The following CPED1 variants were observed in gnomAD, a reference collection of about 807,000 sequenced individuals.
CPED1 encodes cadherin-like and PC-esterase domain-containing protein 1.
Under a neutral mutation model 128.2 loss-of-function variants are expected in CPED1, and 114 were observed. That is an observed-to-expected ratio of 0.89 (90% CI 0.76 to 1.04). CPED1 has a LOEUF of 1.04. CPED1 is among the 50% of genes least tolerant of loss of function. The pLI is 0.00. For missense variants in CPED1, 1,211 were observed against 1,207.1 expected (o/e 1.00, Z -0.05); for synonymous variants, 462 against 426.7 (o/e 1.08, Z -1.02).
At chr7:121,169,644 G>A (rs1455858465) in intron 16 of CPED1, among the ~76,000 whole-genome samples, 1 of 152,124 alleles carries the variant, frequency 6.6e-6, no homozygotes, top group Non-Finnish European at 1.5e-5. Flanking sequence ...GTGTATCCCA[G>A]TGCCTGATGT....
chr7:121,074,509 G>GGTTTTTTTT (rs1554430601), intron 5 of CPED1, among the ~76,000 whole-genome samples: 1 of 80,838 alleles, frequency 1.2e-5, no homozygotes, highest in African/African-American at 4.5e-5. Context: ...TTTCCTTTGT[G>GGTTTTTTTT]TTTTTTTTTT....
chr7:121,142,454 TATTTTTCTTGG>T (rs973359535), intron 16 of CPED1, among the ~76,000 whole-genome samples: 2 of 152,074 alleles, frequency 1.3e-5, no homozygotes, highest in Admixed American at 1.3e-4. Flanking sequence ...TAAATTGGGC[TATTTTTCTTGG>T]ATTTGTCCCT....
chr7:121,188,215 A>C (rs1797048567), intron 16 of CPED1, among the ~76,000 whole-genome samples: 1 of 152,180 alleles, frequency 6.6e-6, no homozygotes. Flanking sequence ...GTTTAGATAA[A>C]ATACGATTGA....
intron 2 of CPED1, among the ~76,000 whole-genome samples, chr7:121,014,086 T>C (rs184263595): frequency 1.3e-5 from 2 of 152,314 alleles, no homozygotes; most frequent in East Asian, 3.9e-4. Context: ...AGAGTTGATT[T>C]GGAATTTGAT....
At chr7:121,278,883 ACT>A (rs1165703395) in intron 22 of CPED1, among the ~76,000 whole-genome samples, 2 of 152,146 alleles carry the variant, frequency 1.3e-5, no homozygotes, top group Admixed American at 1.3e-4. Context: ...AGGCAGCTAT[ACT>A]ACCCAGCCTT....
intron 5 of CPED1, 65 bp downstream of exon 5, chr7:121,064,378 A>G (rs1445844587): frequency 9.0e-7 from 1 of 1,112,054 alleles, no homozygotes; most frequent in African/African-American, 1.5e-5. Flanking sequence ...TAGCAGAAGC[A>G]GCTAACATGG....
At chr7:121,079,574 G>A (rs1305523345) in intron 5 of CPED1, among the ~76,000 whole-genome samples, 1 of 152,204 alleles carries the variant, frequency 6.6e-6, no homozygotes, top group Non-Finnish European at 1.5e-5. Context: ...TTAGCCAAAG[G>A]TGTCTCTTGC....
At chr7:121,180,431 G>A (rs1256375030) in intron 16 of CPED1, among the ~76,000 whole-genome samples, 2 of 151,864 alleles carry the variant, frequency 1.3e-5, no homozygotes, top group Admixed American at 6.6e-5. Flanking sequence ...AAAATTCTGA[G>A]GCTCTTAGTT....
At chr7:121,292,794 G>A (rs1426271704) in intron 22 of CPED1, among the ~76,000 whole-genome samples, 1 of 152,110 alleles carries the variant, frequency 6.6e-6, no homozygotes, top group Non-Finnish European at 1.5e-5. Context: ...CAAGTCTGCT[G>A]GAGTTTGCTA....
chr7:121,283,628 G>A (rs554287435), intron 22 of CPED1, among the ~76,000 whole-genome samples: 6 of 152,330 alleles, frequency 3.9e-5, no homozygotes, highest in African/African-American at 9.6e-5. Flanking sequence ...CTGTAACTCT[G>A]TGTAAGTATG....
chr7:121,178,002 G>A (rs1337914273), intron 16 of CPED1, among the ~76,000 whole-genome samples: 1 of 152,056 alleles, frequency 6.6e-6, no homozygotes, highest in African/African-American at 2.4e-5. Flanking sequence ...GAAAGAAAAA[G>A]CAATGGGGAA....
At chr7:121,067,023 T>G (rs1563012600) in intron 5 of CPED1, among the ~76,000 whole-genome samples, 1 of 151,946 alleles carries the variant, frequency 6.6e-6, no homozygotes, top group Non-Finnish European at 1.5e-5. Flanking sequence ...ATGAGGAACT[T>G]GAGCACCCAT....
chr7:121,218,659 G>A (rs1485060922), intron 16 of CPED1, among the ~76,000 whole-genome samples: 1 of 151,948 alleles, frequency 6.6e-6, no homozygotes, highest in Non-Finnish European at 1.5e-5. Flanking sequence ...TGAACAATGA[G>A]AACACATGGG....
chr7:121,013,962 C>T (rs1408021238), intron 2 of CPED1, among the ~76,000 whole-genome samples: 2 of 152,194 alleles, frequency 1.3e-5, no homozygotes, highest in African/African-American at 4.8e-5. Flanking sequence ...ATGAACAATG[C>T]AGGCCTGGCT....
At position 121,141,004 on chromosome 7, in the gene CPED1, C is replaced by G. The variant is rs1326040576; in HGVS notation, c.1877C>G (p.Ala626Gly). ...TGCAAGGTGCACCTGTACGAGCAGGCAGGGCCAAGGTATGAGATGTTGACT... is the reference window on the plus strand; with the variant it reads ...TGCAAGGTGCACCTGTACGAGCAGGGAGGGCCAAGGTATGAGATGTTGACT... Reference protein sequence around the residue: ...CLCKVHLYEQAGPSFASYPLG... With the variant: ...CLCKVHLYEQGGPSFASYPLG... Residue 626 changes from alanine (A) to glycine (G), a missense_variant, in exon 15 of 23, where the codon GCA (alanine) becomes GGA (glycine). Physicochemically the swap from Ala to Gly is moderately conservative, Grantham distance 60. Transcript: ENST00000310396. The G allele has an allele frequency of 5.6e-6, 9 of 1,609,362 alleles. No homozygotes were observed. The highest frequency in any genetic ancestry group is 7.6e-6 in the Non-Finnish European group (9 of 1,178,178).
intron 7 of CPED1, among the ~76,000 whole-genome samples, chr7:121,114,359 A>G (rs913221091): frequency 4.6e-5 from 7 of 152,196 alleles, no homozygotes; most frequent in Admixed American, 3.3e-4. Flanking sequence ...CCAAGAGCTC[A>G]ATGCCTGAGG....
At chr7:121,174,831 C>T (rs910233099) in intron 16 of CPED1, among the ~76,000 whole-genome samples, 1 of 152,060 alleles carries the variant, frequency 6.6e-6, no homozygotes, top group Admixed American at 6.6e-5. Context: ...GTCATTTTAA[C>T]AATATTTATT....
chr7:121,115,202 T>C (rs1393177710), intron 7 of CPED1, among the ~76,000 whole-genome samples: 1 of 152,246 alleles, frequency 6.6e-6, no homozygotes, highest in Non-Finnish European at 1.5e-5. Flanking sequence ...TCTAGCATTA[T>C]ATTTGACCAG....
intron 7 of CPED1, among the ~76,000 whole-genome samples, chr7:121,112,036 C>T (rs1795124863): frequency 6.6e-6 from 1 of 152,142 alleles, no homozygotes; most frequent in Non-Finnish European, 1.5e-5. Context: ...TCAGCTAGGG[C>T]CACTGGGATG....
Sources: gnomAD v4.1 joint callset for allele counts (sites outside exome capture counted in the v4.1 genomes callset) on GRCh38, gnomAD v4.1.1 for gene constraint, MANE v1.5 for transcripts, NCBI Gene and HGNC (gene_info 2026-07-23, HGNC 2026-07-21) for gene names.